Variants in HEMK2 observed in about 807,000 individuals in gnomAD.
The protein encoded by HEMK2 is methyltransferase HEMK2.
the HEMK2 span, chr21:28,671,024 T>A: frequency 6.6e-6 from 1 of 152,168 alleles, no homozygotes; most frequent in Non-Finnish European, 1.5e-5. Context: ...ATGCAACAGG[T>A]AATATATTGT....
chr21:28,829,399 A>G, the HEMK2 span, among the ~76,000 whole-genome samples: 1 of 152,196 alleles, frequency 6.6e-6, no homozygotes, highest in African/African-American at 2.4e-5. Flanking sequence ...TTATGAATAG[A>G]TGAATGTGTG....
At chr21:28,598,743 A>C in the HEMK2 span, among the ~76,000 whole-genome samples, 1 of 152,268 alleles carries the variant, frequency 6.6e-6, no homozygotes, top group Admixed American at 6.5e-5. Flanking sequence ...CCATTCCCCA[A>C]CTCCAAGTCA....
the HEMK2 span, among the ~76,000 whole-genome samples, chr21:28,696,002 C>G: frequency 6.6e-6 from 1 of 152,004 alleles, no homozygotes. Flanking sequence ...GTTGAAGGAA[C>G]TCACAGTTCC....
At chr21:28,719,110 T>C in the HEMK2 span, among the ~76,000 whole-genome samples, 1 of 152,204 alleles carries the variant, frequency 6.6e-6, no homozygotes, top group African/African-American at 2.4e-5. Flanking sequence ...TTCTATGCCT[T>C]CTTTTATGGG....
At chr21:28,843,435 C>T in the HEMK2 span, among the ~76,000 whole-genome samples, 1 of 152,106 alleles carries the variant, frequency 6.6e-6, no homozygotes, top group African/African-American at 2.4e-5. Context: ...GTGGTGATTA[C>T]AATTTGGATT....
the HEMK2 span, among the ~76,000 whole-genome samples, chr21:28,871,411 AACTC>A: frequency 1.3e-5 from 2 of 152,106 alleles, no homozygotes; most frequent in African/African-American, 4.8e-5. Flanking sequence ...TCTCGCTAAG[AACTC>A]ACTATCACGA....
the HEMK2 span, among the ~76,000 whole-genome samples, chr21:28,698,235 G>T: frequency 2.0e-5 from 3 of 152,286 alleles, no homozygotes; most frequent in South Asian, 6.2e-4. Flanking sequence ...AGCCAACTGT[G>T]TTTGAATCAC....
chr21:28,883,408 C>T, the HEMK2 span, among the ~76,000 whole-genome samples: 9,445 of 152,176 alleles, frequency 0.062, 341 homozygotes, highest in Middle Eastern at 0.088. Flanking sequence ...ATCATTCCTT[C>T]GCACAAGGAG....
chr21:28,792,615 C>T, the HEMK2 span, among the ~76,000 whole-genome samples: 1 of 152,178 alleles, frequency 6.6e-6, no homozygotes, highest in African/African-American at 2.4e-5. Context: ...AGAAATGTGA[C>T]TTCCACAAGA....
At chr21:28,763,427 A>C in the HEMK2 span, among the ~76,000 whole-genome samples, 1 of 152,050 alleles carries the variant, frequency 6.6e-6, no homozygotes, top group Non-Finnish European at 1.5e-5. Context: ...TCTTTTAAAC[A>C]ATCAGCTCTT....
the HEMK2 span, chr21:28,872,514 T>C: frequency 3.9e-5 from 6 of 152,364 alleles, no homozygotes; most frequent in African/African-American, 1.2e-4. Flanking sequence ...CCTTCTCTAT[T>C]TGCCTAGGCT....
At chr21:28,705,013 T>A in the HEMK2 span, among the ~76,000 whole-genome samples, 1 of 152,196 alleles carries the variant, frequency 6.6e-6, no homozygotes, top group South Asian at 2.1e-4. Flanking sequence ...CTATCGTTCG[T>A]ACTTGCTGGT....
chr21:28,875,380 G>C, the HEMK2 span: 1 of 152,232 alleles, frequency 6.6e-6, no homozygotes, highest in Non-Finnish European at 1.5e-5. Flanking sequence ...TTCTCAAAAA[G>C]AGACTAGTTA....
chr21:28,835,203 T>C, the HEMK2 span, among the ~76,000 whole-genome samples: 25 of 152,204 alleles, frequency 1.6e-4, 1 homozygote, highest in Admixed American at 9.8e-4. Flanking sequence ...AAAAACAGCA[T>C]TGAACCACCA....
At chr21:28,795,744 C>T in the HEMK2 span, among the ~76,000 whole-genome samples, 2 of 152,174 alleles carry the variant, frequency 1.3e-5, no homozygotes, top group Admixed American at 6.5e-5. Context: ...TGCAAACTAT[C>T]TGCAGTGTGA....
the HEMK2 span, among the ~76,000 whole-genome samples, chr21:28,598,298 G>A: frequency 2.6e-5 from 4 of 152,208 alleles, no homozygotes; most frequent in South Asian, 2.1e-4. Flanking sequence ...ATGATCTACC[G>A]TGAATGATTT....
the HEMK2 span, among the ~76,000 whole-genome samples, chr21:28,798,441 A>C: frequency 6.6e-6 from 1 of 152,226 alleles, no homozygotes; most frequent in Non-Finnish European, 1.5e-5. Context: ...GAATAAAATG[A>C]GATACTGTAT....
chr21:28,650,927 C>G, the HEMK2 span, among the ~76,000 whole-genome samples: 1 of 151,986 alleles, frequency 6.6e-6, no homozygotes. Context: ...AAAAAAGAAC[C>G]ATCAAAGGAT....
At chr21:28,721,507 T>C in the HEMK2 span, among the ~76,000 whole-genome samples, 5 of 152,136 alleles carry the variant, frequency 3.3e-5, no homozygotes, top group Non-Finnish European at 5.9e-5. Flanking sequence ...TTAACCTTTT[T>C]TAAATGTGGC....
Sources: allele counts gnomAD v4.1 joint callset (sites outside exome capture counted in the v4.1 genomes callset), GRCh38; gene constraint gnomAD v4.1.1; transcripts MANE v1.5; gene names NCBI Gene and HGNC (gene_info 2026-07-23, HGNC 2026-07-21).